The following EYS variants were observed in gnomAD, a reference collection of about 807,000 sequenced individuals.
EYS encodes the protein protein eyes shut homolog.
In EYS, 250 loss-of-function variants were observed where a neutral mutation model predicts 282.1. The observed-to-expected ratio is 0.89, with a 90% confidence interval of 0.80 to 0.98. The LOEUF (loss-of-function observed/expected upper bound fraction) is 0.98, where lower values mean the gene tolerates loss of function less well. EYS is among the 50% of genes least tolerant of loss of function. The pLI, the probability that EYS is intolerant of heterozygous loss-of-function variation, is 0.00. For synonymous variants in EYS, 1,355 were observed against 1,282.9 expected, an observed-to-expected ratio of 1.06 and a Z score of -1.20; for missense variants, 4,016 against 3,709.0, an observed-to-expected ratio of 1.08 and a Z score of -2.15.
chr6:64,582,427 T>G (rs1183473527), intron 26 of EYS, among the ~76,000 whole-genome samples: 1 of 152,092 alleles, frequency 6.6e-6, no homozygotes, highest in Non-Finnish European at 1.5e-5. Context: ...ATGGAAAAAC[T>G]GTCTTCCACG....
intron 37 of EYS, among the ~76,000 whole-genome samples, chr6:63,790,232 C>A (rs1770475748): frequency 6.6e-6 from 1 of 152,082 alleles, no homozygotes; most frequent in Admixed American, 6.6e-5. Flanking sequence ...AGGAATGATG[C>A]TTTGTCTGTT....
chr6:64,741,500 A>C (rs1583102898), intron 22 of EYS, among the ~76,000 whole-genome samples: 1 of 152,310 alleles, frequency 6.6e-6, no homozygotes, highest in East Asian at 1.9e-4. Context: ...GCAAGAGGCA[A>C]CTTGTCCTTT....
At chr6:64,507,321 G>A (rs1310549783) in intron 26 of EYS, among the ~76,000 whole-genome samples, 1 of 152,106 alleles carries the variant, frequency 6.6e-6, no homozygotes, top group African/African-American at 2.4e-5. Context: ...TGTTTAAGCA[G>A]ACTACCTGTT....
At chr6:64,338,891 C>A (rs752944514) in intron 29 of EYS, among the ~76,000 whole-genome samples, 2 of 151,944 alleles carry the variant, frequency 1.3e-5, no homozygotes, top group African/African-American at 2.4e-5. Context: ...GGAAAGGACA[C>A]CCTTTTTAAC....
intron 35 of EYS, among the ~76,000 whole-genome samples, chr6:63,970,161 T>C (rs72875016): frequency 0.087 from 13,185 of 152,296 alleles, 537 homozygotes; most frequent in Non-Finnish European, 0.094. Context: ...CCCTGACACC[T>C]GCAGAATTGT....
In EYS at chr6:64,016,068, C is replaced by T. The variant is rs6930381; in HGVS notation, c.6726-16885G>A. Among the ~76,000 whole-genome samples the T allele has an allele frequency of 4.6e-3, 700 of 152,274 alleles. 4 individuals carry two copies. Among genetic ancestry groups the T allele is most frequent in the African/African-American group, 0.016 (675 of 41,546 alleles). On this transcript the variant is annotated intron_variant, in intron 33 of 42. Transcript: ENST00000503581. Reference sequence around the variant, plus strand: ...TTCTTTAGCAAATTCCATTTCACCACCTGGTACCTTTGGGCTGCTCTGTCC... The same window carrying T: ...TTCTTTAGCAAATTCCATTTCACCATCTGGTACCTTTGGGCTGCTCTGTCC...
At chr6:65,234,768 T>C (rs1231929192) in intron 12 of EYS, among the ~76,000 whole-genome samples, 1 of 152,192 alleles carries the variant, frequency 6.6e-6, no homozygotes, top group East Asian at 1.9e-4. Flanking sequence ...TTGTATAATA[T>C]GGAGATGCCT....
intron 41 of EYS, among the ~76,000 whole-genome samples, chr6:63,728,104 AAATT>A (rs1483071317): frequency 1.3e-5 from 2 of 152,100 alleles, no homozygotes; most frequent in African/African-American, 4.8e-5. Context: ...AAATATTGCT[AAATT>A]AATACATGTT....
chr6:64,066,575 C>G (rs1055923408), intron 32 of EYS, 84 bp from the exon 33 acceptor site: 1 of 966,374 alleles, frequency 1.0e-6, no homozygotes, highest in Non-Finnish European at 1.5e-6. Flanking sequence ...TCTTTGCCAT[C>G]AAAGACTAAT....
chr6:63,737,430 GA>G (rs1269226067), intron 41 of EYS, among the ~76,000 whole-genome samples: 52 of 152,228 alleles, frequency 3.4e-4, no homozygotes, highest in African/African-American at 1.2e-3. Flanking sequence ...GCATCCCAGG[GA>G]TGAAGCCCAC....
chr6:64,329,684 T>C (rs1770566990), intron 29 of EYS, among the ~76,000 whole-genome samples: 1 of 152,088 alleles, frequency 6.6e-6, no homozygotes, highest in Non-Finnish European at 1.5e-5. Flanking sequence ...TTACTAAGCA[T>C]ATAGACCAGT....
chr6:64,752,406 G>T (rs892465733), intron 22 of EYS, among the ~76,000 whole-genome samples: 1 of 151,930 alleles, frequency 6.6e-6, no homozygotes, highest in Non-Finnish European at 1.5e-5. Flanking sequence ...GCAGAAGAAA[G>T]AATTTCAGAG....
intron 24 of EYS, among the ~76,000 whole-genome samples, chr6:64,601,445 A>G (rs994879529): frequency 6.6e-6 from 1 of 151,718 alleles, no homozygotes; most frequent in Admixed American, 6.6e-5. Context: ...TCATTACTCT[A>G]TTGCTGAAGT....
intron 22 of EYS, among the ~76,000 whole-genome samples, chr6:64,653,935 A>AGT (rs1768656889): frequency 6.6e-6 from 1 of 152,292 alleles, no homozygotes; most frequent in South Asian, 2.1e-4. Flanking sequence ...AATCACAAAA[A>AGT]GTAGACAACC....
intron 15 of EYS, among the ~76,000 whole-genome samples, chr6:64,939,694 G>T (rs771311750): frequency 6.6e-6 from 1 of 150,968 alleles, no homozygotes; most frequent in Non-Finnish European, 1.5e-5. Context: ...ACATACACAC[G>T]TGTATTTAAC....
At chr6:64,487,329 G>T (rs1466450190) in intron 26 of EYS, among the ~76,000 whole-genome samples, 1 of 151,004 alleles carries the variant, frequency 6.6e-6, no homozygotes, top group Non-Finnish European at 1.5e-5. Flanking sequence ...AAATCATATA[G>T]AGAGAGCAAA....
chr6:64,751,047 G>T (rs1772730676), intron 22 of EYS, among the ~76,000 whole-genome samples: 1 of 152,058 alleles, frequency 6.6e-6, no homozygotes, highest in Non-Finnish European at 1.5e-5. Flanking sequence ...AGAACTTGAT[G>T]CAGTGGCAGT....
At chr6:65,589,578 A>G (rs986924502) in intron 2 of EYS, among the ~76,000 whole-genome samples, 1 of 151,930 alleles carries the variant, frequency 6.6e-6, no homozygotes, top group Non-Finnish European at 1.5e-5. Flanking sequence ...CAAACAGCCA[A>G]TATATAAACT....
chr6:64,330,266 G>A (rs1009977127), intron 29 of EYS, among the ~76,000 whole-genome samples: 5 of 152,130 alleles, frequency 3.3e-5, no homozygotes, highest in African/African-American at 1.2e-4. Context: ...GCGTGAGCTC[G>A]GACATGAGTG....
Sources: gnomAD v4.1 joint callset for allele counts (sites outside exome capture counted in the v4.1 genomes callset) on GRCh38, gnomAD v4.1.1 for gene constraint, MANE v1.5 for transcripts, NCBI Gene and HGNC (gene_info 2026-07-23, HGNC 2026-07-21) for gene names.